Variants in GPN1 observed in about 807,000 individuals in gnomAD.
The protein encoded by GPN1 is GPN-loop GTPase 1.
In GPN1, 44 loss-of-function variants were observed where a neutral mutation model predicts 55.9. That is an observed-to-expected ratio of 0.79 (90% CI 0.62 to 1.01). The LOEUF (loss-of-function observed/expected upper bound fraction) is 1.01, where lower values mean the gene tolerates loss of function less well. Ranked by LOEUF, GPN1 falls within the 50% of genes least tolerant of loss-of-function variation. GPN1 has a pLI of 0.00. For synonymous variants in GPN1, 179 were observed against 162.5 expected (o/e 1.10, Z -0.77); for missense variants, 466 against 462.8 (o/e 1.01, Z -0.06).
rs545287605 is a variant in GPN1, at chr2:27,643,655, A to G, written c.931+1136A>G. The stretch of plus-strand genomic sequence containing the variant: ...GAACAGTGCCTTAGTCTGACTTTGT[A>G]TTTCATGACTGACATTTTTTAAGCA... On this transcript the variant is annotated intron_variant, in intron 12 of 13. Coordinates refer to ENST00000610189, the MANE Select transcript of GPN1 (RefSeq NM_007266.4). The surrounding 1 kb of genome is among the most constrained non-coding windows in gnomAD (Gnocchi z 4.0). 6.6e-6 allele frequency among the ~76,000 whole-genome samples: 1 copy of G among 152,286 alleles called. No individual in the cohort carries two copies. Among genetic ancestry groups the G allele is most frequent in the African/African-American group, 2.4e-5 (1 of 41,568 alleles).
chr2:27,635,198 C>T lies in GPN1; in HGVS notation c.488C>T (p.Pro163Leu), dbSNP rs1401422384. Residue 163 changes from proline to leucine, a missense_variant, in exon 7 of 14, where the codon CCA becomes CTA. Transcript: ENST00000610189. ...YVMDTSRSTN[P>L]VTFMSNMLYA... ...ATGGACACATCGAGAAGTACCAACC[C>T]AGTGACCTTCATGTCCAACATGCTC... The T allele has an allele frequency of 1.9e-5, 31 of 1,600,746 alleles. No individual in the cohort carries two copies. The highest frequency in any genetic ancestry group is 2.7e-5 in the Non-Finnish European group (31 of 1,168,348).
At chr2:27,635,275 A>G (rs753846808) in intron 7 of GPN1, 41 bp downstream of exon 7, 2 of 870,640 alleles carry the variant, frequency 2.3e-6, no homozygotes, top group Admixed American at 2.4e-5. Context: ...ATCAAGGTAT[A>G]AGGCCTTTTT....
intron 4 of GPN1, 151 bp downstream of exon 4, chr2:27,632,051 T>C: frequency 3.1e-6 from 2 of 640,876 alleles, no homozygotes; most frequent in South Asian, 3.6e-5. Flanking sequence ...AAGTAGACTA[T>C]GAGAAGGTGA....
chr2:27,643,412 T>C lies in GPN1; in HGVS notation c.931+893T>C, dbSNP rs1205439962. On this transcript the variant is annotated intron_variant, in intron 12 of 13. Transcript: ENST00000610189. The surrounding 1 kb of genome is among the most constrained non-coding windows in gnomAD (Gnocchi z 4.0). ...GTTACAGATATAATACTCTTTTACCTTGAATAATTCAGTGTCTTTTTCCTA... is the reference window on the plus strand; with the variant it reads ...GTTACAGATATAATACTCTTTTACCCTGAATAATTCAGTGTCTTTTTCCTA... 2.6e-5 allele frequency among the ~76,000 whole-genome samples: 4 copies of C among 152,142 alleles called. No individual in the cohort carries two copies. Among genetic ancestry groups the C allele is most frequent in the Admixed American group, 2.6e-4 (4 of 15,272 alleles).
chr2:27,635,298 C>CTCTTTTT, intron 7 of GPN1, 64 bp downstream of exon 7: 2 of 445,286 alleles, frequency 4.5e-6, no homozygotes, highest in South Asian at 6.6e-5. Context: ...CTTCTTCTTC[C>CTCTTTTT]TCTTTTTTTT....
At position 27,647,820 on chromosome 2, in the gene GPN1, G is replaced by C; in HGVS notation, c.932-16G>C. 6.8e-7 allele frequency: 1 copy of C among 1,464,734 alleles called. No individual in the cohort carries two copies. The highest frequency in any genetic ancestry group is 9.6e-7 in the Non-Finnish European group (1 of 1,043,860). 90.7% of individuals were successfully genotyped at this position (1,464,734 alleles called of 1,614,324 possible). On this transcript the variant is annotated splice_polypyrimidine_tract_variant and intron_variant, in intron 12 of 13. Transcript: ENST00000610189. ...TTTTTGAGGAGGCATATCACTGATAGGTGTTTTCACTGTAGACAGCTTATC... is the reference window on the plus strand; with the variant it reads ...TTTTTGAGGAGGCATATCACTGATACGTGTTTTCACTGTAGACAGCTTATC...
At chr2:27,641,609 GT>G (rs1673953223) in intron 11 of GPN1, among the ~76,000 whole-genome samples, 1 of 152,048 alleles carries the variant, frequency 6.6e-6, no homozygotes, top group Non-Finnish European at 1.5e-5. Context: ...TTTTCTTGTT[GT>G]TGAGAAAGGG....
chr2:27,629,932 T>C lies in GPN1; in HGVS notation c.185T>C (p.Val62Ala). 1 of 1,586,398 alleles carries C rather than the reference T, an allele frequency of 6.3e-7. No individual in the cohort carries two copies. The highest frequency in any genetic ancestry group is 8.7e-7 in the Non-Finnish European group (1 of 1,154,740). ...VINLDPAVHE[V>A]PFPANIDIRD... ...AACCTGGATCCAGCAGTACATGAAGTTCCCTTTCCTGCCAATATTGGTGAG... is the reference window on the plus strand; with the variant it reads ...AACCTGGATCCAGCAGTACATGAAGCTCCCTTTCCTGCCAATATTGGTGAG... The change falls in exon 2 of 14, where the codon GTT becomes GCT. Residue 62 changes from valine to alanine, a missense_variant. Val to Ala is a moderately conservative substitution (Grantham distance 64). Coordinates refer to ENST00000610189, the MANE Select transcript of GPN1 (RefSeq NM_007266.4).
intron 12 of GPN1, among the ~76,000 whole-genome samples, chr2:27,645,516 A>C (rs1674184086): frequency 6.6e-6 from 1 of 152,032 alleles, no homozygotes; most frequent in Non-Finnish European, 1.5e-5. Context: ...ATTTAGGGAG[A>C]AGTGACATCT....
chr2:27,649,823 G>A lies in GPN1; in HGVS notation c.1040-292G>A, dbSNP rs374885956. 6.0e-4 allele frequency among the ~76,000 whole-genome samples: 91 copies of A among 152,196 alleles called. 1 individual carries two copies. The highest frequency in any genetic ancestry group is 2.1e-3 in the African/African-American group (89 of 41,508). On this transcript the variant is annotated intron_variant, in intron 13 of 13. Coordinates refer to ENST00000610189, the MANE Select transcript of GPN1 (RefSeq NM_007266.4). ...TATTATGAGTAAAGCAACTATAAAC[G>A]TTTCCAAATAGATCTTTGTGTAGAC... is the stretch of plus-strand genomic sequence containing the variant.
intron 13 of GPN1, 134 bp from the exon 14 acceptor site, chr2:27,649,981 C>T (rs1674447366): frequency 1.7e-6 from 1 of 584,652 alleles, no homozygotes; most frequent in Non-Finnish European, 3.1e-6. Context: ...TTCTAGGAGA[C>T]ATTTCCTTTT....
intron 7 of GPN1, among the ~76,000 whole-genome samples, chr2:27,636,057 A>G: frequency 6.6e-6 from 1 of 152,084 alleles, no homozygotes; most frequent in East Asian, 1.9e-4. Flanking sequence ...TCTACAAAAT[A>G]TACAAAAAAT....
At chr2:27,647,702 T>C in intron 12 of GPN1, 134 bp from the exon 13 acceptor site, 1 of 610,926 alleles carries the variant, frequency 1.6e-6, no homozygotes, top group Non-Finnish European at 3.0e-6. Context: ...TAACAATACA[T>C]TTAGAAGAGG....
intron 12 of GPN1, among the ~76,000 whole-genome samples, chr2:27,645,498 C>T (rs920375418): frequency 1.3e-5 from 2 of 152,016 alleles, no homozygotes; most frequent in African/African-American, 2.4e-5. Flanking sequence ...ACATTATATT[C>T]ATAATTAATT....
At chr2:27,641,208 C>T in intron 10 of GPN1, 32 bp from the exon 11 acceptor site, 1 of 1,529,916 alleles carries the variant, frequency 6.5e-7, no homozygotes, top group Non-Finnish European at 9.0e-7. Flanking sequence ...GAGGATTAAG[C>T]AAAGGAATTT....
intron 6 of GPN1, 81 bp from the exon 7 acceptor site, chr2:27,635,059 C>T (rs892220040): frequency 2.9e-6 from 3 of 1,037,496 alleles, no homozygotes; most frequent in Admixed American, 3.5e-5. Flanking sequence ...GTGGTTTTCC[C>T]TTGTTAAGGA....
At chr2:27,639,402 C>T (rs1673854507) in intron 9 of GPN1, among the ~76,000 whole-genome samples, 2 of 152,206 alleles carry the variant, frequency 1.3e-5, no homozygotes, top group South Asian at 4.1e-4. Context: ...TAAGCAAAGG[C>T]AGAATGGGTT....
At chr2:27,632,819 A>G (rs901929183) in intron 5 of GPN1, 149 bp downstream of exon 5, 9 of 597,644 alleles carry the variant, frequency 1.5e-5, no homozygotes, top group Middle Eastern at 3.1e-4. Context: ...AATCATTAAG[A>G]TGCTTTAGAA....
chr2:27,637,650 T>C (rs1673780721), intron 7 of GPN1, among the ~76,000 whole-genome samples: 1 of 152,216 alleles, frequency 6.6e-6, no homozygotes, highest in Non-Finnish European at 1.5e-5. Context: ...GAGATAATAC[T>C]TATGAAAGTG....
Sources: allele counts gnomAD v4.1 joint callset (sites outside exome capture counted in the v4.1 genomes callset), GRCh38; gene constraint gnomAD v4.1.1; non-coding constraint Gnocchi (gnomAD v3.1); transcripts MANE v1.5; gene names NCBI Gene and HGNC (gene_info 2026-07-23, HGNC 2026-07-21).